Variants in PSEN1 observed in about 807,000 individuals in gnomAD.
PSEN1 encodes presenilin 1.
PSEN1 carries 15 observed loss-of-function variants against 53.5 expected under a neutral mutation model. That is an observed-to-expected ratio of 0.28 (90% CI 0.19 to 0.43). The LOEUF (loss-of-function observed/expected upper bound fraction) is 0.43, where lower values mean the gene tolerates loss of function less well. Ranked by LOEUF, PSEN1 falls within the 20% of genes least tolerant of loss-of-function variation. The probability of loss-of-function intolerance (pLI) is 1.00; values close to 1 mark genes in which losing one functional copy is unlikely to be tolerated. For missense variants in PSEN1, 387 were observed against 571.2 expected (o/e 0.68, Z 3.29); for synonymous variants, 208 against 209.8 (o/e 0.99, Z 0.08).
chr14:73,221,619 G>T lies in PSEN1; in HGVS notation c.*2330G>T, dbSNP rs886050675. 2.0e-5 allele frequency: 3 copies of T among 151,084 alleles called. No individual in the cohort carries two copies. The highest frequency in any genetic ancestry group is 4.4e-5 in the Non-Finnish European group (3 of 67,858). The allele number at this position is 151,084 out of a possible 1,614,324, so 9.4% of individuals were successfully genotyped here. On this transcript the variant is annotated 3_prime_UTR_variant, in exon 12 of 12. Transcript: ENST00000324501. Reference sequence around the variant, plus strand: ...TTTTTTTTTTAAAGGACAGGATTTTGCTGTGTTGCCCAGGCTAGACTTGAA... The same window carrying T: ...TTTTTTTTTTAAAGGACAGGATTTTTCTGTGTTGCCCAGGCTAGACTTGAA...
chr14:73,173,975 C>T (rs1483204949), intron 5 of PSEN1: 2 of 592,866 alleles, frequency 3.4e-6, no homozygotes, highest in East Asian at 2.8e-5. Flanking sequence ...CGTAGCAAGA[C>T]CCTGCCTCTA....
chr14:73,162,857 G>C (rs1212051166), intron 3 of PSEN1, among the ~76,000 whole-genome samples: 4 of 152,180 alleles, frequency 2.6e-5, no homozygotes, highest in Non-Finnish European at 2.9e-5. Flanking sequence ...AATAACAGTA[G>C]TAAGCAGGGG....
intron 3 of PSEN1, among the ~76,000 whole-genome samples, chr14:73,163,894 G>C (rs894507021): frequency 1.3e-5 from 2 of 151,898 alleles, no homozygotes; most frequent in African/African-American, 4.8e-5. Context: ...TTGTAATCGA[G>C]TTTTAAACAA....
At chr14:73,142,248 A>G (rs115620087) in intron 1 of PSEN1, among the ~76,000 whole-genome samples, 226 of 152,332 alleles carry the variant, frequency 1.5e-3, no homozygotes, top group African/African-American at 5.0e-3. Flanking sequence ...GAAGCTTTCA[A>G]AGTAACACTG....
intron 5 of PSEN1, among the ~76,000 whole-genome samples, chr14:73,183,717 A>G (rs1181313730): frequency 5.3e-5 from 8 of 151,280 alleles, no homozygotes; most frequent in Non-Finnish European, 1.0e-4. Context: ...AGACACGGCA[A>G]CCATCCGATT....
chr14:73,209,099 G>A (rs140628433), intron 9 of PSEN1, among the ~76,000 whole-genome samples: 190 of 152,354 alleles, frequency 1.2e-3, no homozygotes, highest in African/African-American at 4.1e-3. Context: ...GCCTGCAGAC[G>A]CAAGGGGCTT....
chr14:73,173,964 A>G (rs1361958424), intron 5 of PSEN1: 26 of 604,038 alleles, frequency 4.3e-5, no homozygotes, highest in Non-Finnish European at 5.9e-5. Context: ...AGCTTGGGCA[A>G]CGTAGCAAGA....
intron 5 of PSEN1, among the ~76,000 whole-genome samples, chr14:73,176,428 GA>G (rs1898049874): frequency 6.6e-6 from 1 of 152,132 alleles, no homozygotes; most frequent in Non-Finnish European, 1.5e-5. Flanking sequence ...TTGGAGGGTG[GA>G]ATTCTACTTT....
chr14:73,162,073 G>T (rs1218935745), intron 3 of PSEN1, among the ~76,000 whole-genome samples: 1 of 151,082 alleles, frequency 6.6e-6, no homozygotes, highest in African/African-American at 2.4e-5. Context: ...CAGCTACTCG[G>T]GAGACTGAGG....
chr14:73,183,443 G>A (rs532459056), intron 5 of PSEN1, among the ~76,000 whole-genome samples: 43 of 152,098 alleles, frequency 2.8e-4, no homozygotes, highest in African/African-American at 8.9e-4. Context: ...AGGACCCTGC[G>A]GCCTTCCGCA....
intron 5 of PSEN1, among the ~76,000 whole-genome samples, chr14:73,178,768 C>T (rs1156851779): frequency 6.6e-6 from 1 of 152,118 alleles, no homozygotes; most frequent in East Asian, 1.9e-4. Context: ...TTTGCCCTTA[C>T]TTCTTGGAGC....
chr14:73,138,892 G>C (rs1180387986), intron 1 of PSEN1, among the ~76,000 whole-genome samples: 1 of 146,176 alleles, frequency 6.8e-6, no homozygotes, highest in South Asian at 2.2e-4. Context: ...GCGTGAACCC[G>C]GGAGGCGGAG....
intron 3 of PSEN1, among the ~76,000 whole-genome samples, chr14:73,151,588 C>T (rs542930566): frequency 5.3e-5 from 8 of 152,076 alleles, no homozygotes; most frequent in East Asian, 1.9e-4. Flanking sequence ...AGTAATCTCA[C>T]GCTGTCACCA....
chr14:73,181,373 T>C (rs1898207206), intron 5 of PSEN1, among the ~76,000 whole-genome samples: 1 of 151,666 alleles, frequency 6.6e-6, no homozygotes, highest in African/African-American at 2.4e-5. Context: ...ATCTGGGGAG[T>C]GGAGGTTGCG....
chr14:73,221,143 A>G lies in PSEN1; in HGVS notation c.*1854A>G, dbSNP rs1367291364. The G allele has an allele frequency of 6.6e-6, 1 of 152,214 alleles. No homozygotes were observed. The highest frequency in any genetic ancestry group is 2.4e-5 in the African/African-American group (1 of 41,440). The allele number at this position is 152,214 out of a possible 1,614,324, so 9.4% of individuals were successfully genotyped here. A position where few individuals can be genotyped will look rare whatever the true frequency, so the allele number is the denominator to read the frequency against. ...TCTGAATTTAAATTAAAATTGGCTT[A>G]TATTAGGCAGTCACAGACAGGAAAA... On this transcript the variant is annotated 3_prime_UTR_variant, in exon 12 of 12. Transcript: ENST00000324501.
intron 3 of PSEN1, among the ~76,000 whole-genome samples, chr14:73,162,015 AATAG>A (rs1375939449): frequency 6.7e-6 from 1 of 149,860 alleles, no homozygotes; most frequent in East Asian, 2.0e-4. Flanking sequence ...AAAAAAAAAA[AATAG>A]AAAAAGAAAC....
intron 1 of PSEN1, chr14:73,146,206 A>G (rs867644061): frequency 1.1e-4 from 11 of 96,574 alleles, no homozygotes; most frequent in African/African-American, 3.5e-4. Context: ...TTTTTTTTTT[A>G]AAAACAGAGT....
rs59194960 is a variant in PSEN1, at chr14:73,155,875, A to G, written c.87+7769A>G. Among the ~76,000 whole-genome samples, 1,263 of 152,284 alleles carry G rather than the reference A, an allele frequency of 8.3e-3. 19 individuals are homozygous for G. The highest frequency in any genetic ancestry group is 0.029 in the African/African-American group (1,207 of 41,558). On this transcript the variant is annotated intron_variant, in intron 3 of 11. Transcript: ENST00000324501. ...CTGTTTATACAAACCCATAGACTGTATAACACCAAAAAGTGAACCCTAAGG... is the reference window on the plus strand; with the variant it reads ...CTGTTTATACAAACCCATAGACTGTGTAACACCAAAAAGTGAACCCTAAGG...
intron 5 of PSEN1, among the ~76,000 whole-genome samples, chr14:73,185,918 TA>T (rs1898492423): frequency 6.6e-6 from 1 of 152,222 alleles, no homozygotes; most frequent in African/African-American, 2.4e-5. Flanking sequence ...AGAAATTTTA[TA>T]AACCAAGTAC....
Sources: gnomAD v4.1 joint callset for allele counts (sites outside exome capture counted in the v4.1 genomes callset) on GRCh38, gnomAD v4.1.1 for gene constraint, MANE v1.5 for transcripts, NCBI Gene and HGNC (gene_info 2026-07-23, HGNC 2026-07-21) for gene names.